HAUS8: variants seen among roughly 807,000 people sequenced by gnomAD.
HAUS8 encodes HAUS augmin-like complex subunit 8.
Under a neutral mutation model 42.9 loss-of-function variants are expected in HAUS8, and 38 were observed. The observed-to-expected ratio is 0.89, with a 90% CI of 0.68 to 1.16. HAUS8 has a LOEUF of 1.16. Ranked by LOEUF, HAUS8 falls within the 50% of genes most tolerant of loss-of-function variation. The pLI, the probability that HAUS8 is intolerant of heterozygous loss-of-function variation, is 0.00. For missense variants in HAUS8, 494 were observed against 511.6 expected (o/e 0.97, Z 0.33); for synonymous variants, 199 against 205.8 (o/e 0.97, Z 0.28).
At chr19:17,055,139 AAAAAATATATATATATATATATAT>A (rs1773068642) in intron 9 of HAUS8, 4 of 24,444 alleles carry the variant, frequency 1.6e-4, no homozygotes, top group African/African-American at 5.0e-4. Context: ...AAAAAAAAAA[AAAAAATATATATATATATATATAT>A]ATATATATAT....
intron 9 of HAUS8, chr19:17,055,139 AAAAAATATATATATAT>A (rs2057314609): frequency 2.0e-4 from 5 of 24,448 alleles, no homozygotes; most frequent in South Asian, 2.2e-3. Flanking sequence ...AAAAAAAAAA[AAAAAATATATATATAT>A]ATATATATAT....
intron 3 of HAUS8, among the ~76,000 whole-genome samples, chr19:17,067,670 T>C (rs1474237953): frequency 6.6e-6 from 1 of 152,182 alleles, no homozygotes; most frequent in Non-Finnish European, 1.5e-5. Flanking sequence ...CGTGGAAGAC[T>C]GTGACCCTTT....
intron 10 of HAUS8, among the ~76,000 whole-genome samples, chr19:17,050,958 A>G (rs2057283854): frequency 6.6e-6 from 1 of 151,756 alleles, no homozygotes; most frequent in Admixed American, 6.6e-5. Flanking sequence ...TACTTGGGAG[A>G]CTGGGGTGGG....
At chr19:17,075,486 T>C, upstream of HAUS8, 2 of 1,583,468 alleles carry the variant, frequency 1.3e-6, no homozygotes, top group African/African-American at 1.3e-5. Flanking sequence ...GCCCCCTTGC[T>C]TGCGGGTCGG....
intron 9 of HAUS8, chr19:17,053,432 A>G (rs538936778): frequency 1.1e-4 from 18 of 162,590 alleles, no homozygotes; most frequent in Admixed American, 9.0e-4. Flanking sequence ...CCAGTCGTAC[A>G]TGAGAGTCAC....
intron 8 of HAUS8, among the ~76,000 whole-genome samples, chr19:17,057,808 G>A (rs944144406): frequency 2.6e-5 from 4 of 152,134 alleles, no homozygotes; most frequent in Admixed American, 2.6e-4. Context: ...GGGTCATCAA[G>A]TTAACATGAG....
At chr19:17,071,230 A>G (rs572073081) in intron 2 of HAUS8, among the ~76,000 whole-genome samples, 1 of 152,158 alleles carries the variant, frequency 6.6e-6, no homozygotes, top group East Asian at 1.9e-4. Context: ...GTTCCAGTTG[A>G]TTCTTCTGTT....
At chr19:17,054,572 C>A (rs570773994) in intron 9 of HAUS8, among the ~76,000 whole-genome samples, 1 of 151,758 alleles carries the variant, frequency 6.6e-6, no homozygotes, top group Admixed American at 6.6e-5. Context: ...GAGGGCAAGG[C>A]GGGCAGATCA....
chr19:17,071,254 G>T (rs1398653313), intron 2 of HAUS8, among the ~76,000 whole-genome samples: 1 of 152,148 alleles, frequency 6.6e-6, no homozygotes, highest in African/African-American at 2.4e-5. Context: ...GACTGGGGTT[G>T]CAGCTGCTAC....
intron 10 of HAUS8, chr19:17,051,644 T>A (rs2057287961): frequency 6.6e-6 from 1 of 151,348 alleles, no homozygotes. Flanking sequence ...TTCCAGCTGC[T>A]TGAGAACTTC....
intron 3 of HAUS8, among the ~76,000 whole-genome samples, chr19:17,064,753 T>C (rs2057378461): frequency 6.6e-6 from 1 of 152,022 alleles, no homozygotes; most frequent in African/African-American, 2.4e-5. Flanking sequence ...ACTACAAAAC[T>C]CGTACAAGAA....
chr19:17,065,099 TATC>T (rs2057380105), intron 3 of HAUS8, among the ~76,000 whole-genome samples: 1 of 152,174 alleles, frequency 6.6e-6, no homozygotes, highest in Admixed American at 6.5e-5. Context: ...AGATGCTCAA[TATC>T]ATCGGCTATT....
intron 2 of HAUS8, among the ~76,000 whole-genome samples, chr19:17,071,154 G>A (rs139973095): frequency 6.6e-6 from 1 of 152,194 alleles, no homozygotes; most frequent in African/African-American, 2.4e-5. Context: ...CGGGGAGAGT[G>A]ACATGCTCAA....
chr19:17,050,378 G>T (rs892667539), intron 10 of HAUS8, among the ~76,000 whole-genome samples: 1 of 152,130 alleles, frequency 6.6e-6, no homozygotes, highest in Non-Finnish European at 1.5e-5. Context: ...TGAAAGGAAA[G>T]ATTCATCCAA....
intron 3 of HAUS8, among the ~76,000 whole-genome samples, chr19:17,064,278 T>G (rs560039610): frequency 6.6e-6 from 1 of 152,228 alleles, no homozygotes. Context: ...ACCATGTTCA[T>G]GGATTGAAAG....
intron 9 of HAUS8, 52 bp downstream of exon 9, chr19:17,055,809 C>T: frequency 1.3e-6 from 2 of 1,552,942 alleles, no homozygotes; most frequent in Middle Eastern, 2.2e-4. Context: ...AGCACCCACA[C>T]ACGCTCCTCG....
At chr19:17,053,124 C>G (rs915181563) in intron 9 of HAUS8, 158 bp from the exon 10 acceptor site, 2 of 759,426 alleles carry the variant, frequency 2.6e-6, no homozygotes, top group Non-Finnish European at 4.3e-6. Context: ...GGAAGACATT[C>G]GTCCCTTATC....
At chr19:17,069,202 G>C in intron 2 of HAUS8, 116 bp from the exon 3 acceptor site, 1 of 844,230 alleles carries the variant, frequency 1.2e-6, no homozygotes, top group African/African-American at 1.7e-5. Context: ...TCAGTGACCA[G>C]AACAGAGGAG....
intron 10 of HAUS8, among the ~76,000 whole-genome samples, chr19:17,051,037 G>C (rs533388584): frequency 6.6e-6 from 1 of 152,274 alleles, no homozygotes; most frequent in South Asian, 2.1e-4. Flanking sequence ...TCCAGCCTAA[G>C]CAATGAAATG....
Sources: gnomAD v4.1 joint callset for allele counts (sites outside exome capture counted in the v4.1 genomes callset) on GRCh38, gnomAD v4.1.1 for gene constraint, MANE v1.5 for transcripts, NCBI Gene and HGNC (gene_info 2026-07-23, HGNC 2026-07-21) for gene names.